CTNNA1: variants seen among roughly 807,000 people sequenced by gnomAD.
CTNNA1 encodes the protein catenin alpha-1.
CTNNA1 carries 37 observed loss-of-function variants against 98.4 expected under a neutral mutation model. The observed-to-expected ratio is 0.38, with a 90% CI of 0.29 to 0.49. The LOEUF is 0.49. CTNNA1 is among the 20% of genes least tolerant of loss of function. The pLI, the probability that CTNNA1 is intolerant of heterozygous loss-of-function variation, is 0.95. For synonymous variants in CTNNA1, 404 were observed against 413.2 expected (o/e 0.98, Z 0.27); for missense variants, 761 against 1,147.2 (o/e 0.66, Z 4.86).
intron 14 of CTNNA1, 61 bp from the exon 15 acceptor site, chr5:138,930,412 A>C (rs1023809232): frequency 3.2e-6 from 4 of 1,234,422 alleles, no homozygotes; most frequent in Non-Finnish European, 4.6e-6. Flanking sequence ...ATTCTTGGCT[A>C]ATGCACTCTG....
At chr5:138,773,905 A>G (rs1374813626) in intron 1 of CTNNA1, among the ~76,000 whole-genome samples, 1 of 151,876 alleles carries the variant, frequency 6.6e-6, no homozygotes, top group African/African-American at 2.4e-5. Context: ...TGTTTCTGAG[A>G]CAAAGTCTCA....
intron 7 of CTNNA1, among the ~76,000 whole-genome samples, chr5:138,848,960 G>A (rs1762963017): frequency 6.6e-6 from 1 of 152,158 alleles, no homozygotes; most frequent in Admixed American, 6.5e-5. Flanking sequence ...CTGACCTCAT[G>A]ATATGCCTGC....
At chr5:138,770,082 G>A (rs1292634925) in intron 1 of CTNNA1, among the ~76,000 whole-genome samples, 2 of 152,142 alleles carry the variant, frequency 1.3e-5, no homozygotes, top group South Asian at 2.1e-4. Flanking sequence ...TGATCCGCCT[G>A]CCTTGGCTTC....
chr5:138,934,853 T>C lies in CTNNA1; in HGVS notation c.*764T>C, dbSNP rs17031. The C allele has an allele frequency of 3.3e-5, 5 of 152,476 alleles. No individual in the cohort carries two copies. The highest frequency in any genetic ancestry group is 9.7e-5 in the African/African-American group (4 of 41,390). The allele number at this position is 152,476 out of a possible 1,614,324, so 9.4% of individuals were successfully genotyped here. ...GCAGCAGAAAAACCTGACAACATAG[T>C]GTTTGCTAAGGCAGTAATTTAGACT... On this transcript the variant is annotated 3_prime_UTR_variant, in exon 18 of 18. Coordinates refer to ENST00000302763, the MANE Select transcript of CTNNA1 (RefSeq NM_001903.5).
intron 7 of CTNNA1, among the ~76,000 whole-genome samples, chr5:138,856,379 G>T (rs1036971823): frequency 6.6e-6 from 1 of 152,084 alleles, no homozygotes; most frequent in Admixed American, 6.5e-5. Context: ...GTCTCACTCT[G>T]TTACCTAGGC....
At chr5:138,819,177 G>A (rs1759756738) in intron 5 of CTNNA1, among the ~76,000 whole-genome samples, 1 of 152,126 alleles carries the variant, frequency 6.6e-6, no homozygotes. Flanking sequence ...GGAGCCTAGA[G>A]GATGAGGCAC....
rs4835649 is a variant in CTNNA1, at chr5:138,810,534, T to C, written c.468+330T>C. The stretch of plus-strand genomic sequence containing the variant: ...CCAAGATACATTAAATTTTGTACTT[T>C]TATTTATTTATTTATTTTTTCCATT... On this transcript the variant is annotated intron_variant, in intron 4 of 17. Transcript: ENST00000302763. Among the ~76,000 whole-genome samples the C allele has an allele frequency of 0.69, 105,331 of 151,978 alleles. 36,640 individuals are homozygous for C. The highest frequency in any genetic ancestry group is 0.93 in the East Asian group (4,822 of 5,170).
At chr5:138,766,446 G>GTTTT (rs1299954362) in intron 1 of CTNNA1, among the ~76,000 whole-genome samples, 1 of 89,312 alleles carries the variant, frequency 1.1e-5, no homozygotes. Context: ...GCAATACCAT[G>GTTTT]TTTTGTTTTT....
intron 7 of CTNNA1, chr5:138,872,952 GCCT>G: frequency 8.0e-7 from 1 of 1,253,900 alleles, no homozygotes; most frequent in Non-Finnish European, 1.1e-6. Context: ...TATGTATTTA[GCCT>G]CTACTATGTA....
intron 3 of CTNNA1, among the ~76,000 whole-genome samples, chr5:138,800,423 T>C (rs1024153758): frequency 1.3e-5 from 2 of 152,010 alleles, no homozygotes; most frequent in Non-Finnish European, 2.9e-5. Flanking sequence ...TTAAGAGAGA[T>C]GTGGCTTTAA....
At chr5:138,900,088 G>C (rs1256804350) in intron 9 of CTNNA1, among the ~76,000 whole-genome samples, 1 of 152,166 alleles carries the variant, frequency 6.6e-6, no homozygotes, top group Non-Finnish European at 1.5e-5. Flanking sequence ...AAAACTTATT[G>C]AGTGCCTCTG....
intron 3 of CTNNA1, among the ~76,000 whole-genome samples, chr5:138,796,278 TG>T (rs1756959455): frequency 6.6e-6 from 1 of 152,196 alleles, no homozygotes; most frequent in African/African-American, 2.4e-5. Flanking sequence ...ATGTATCGGC[TG>T]GGTGCGGTGG....
At chr5:138,877,279 A>G (rs745952558) in intron 7 of CTNNA1, among the ~76,000 whole-genome samples, 18 of 151,990 alleles carry the variant, frequency 1.2e-4, no homozygotes, top group Non-Finnish European at 2.5e-4. Context: ...GGTTCCATAA[A>G]CTGTCTTGTG....
intron 10 of CTNNA1, 24 bp from the exon 11 acceptor site, chr5:138,917,718 A>AG: frequency 6.2e-7 from 1 of 1,611,134 alleles, no homozygotes. Flanking sequence ...AAGAGTAAAC[A>AG]GTGAAGTTTA....
intron 5 of CTNNA1, among the ~76,000 whole-genome samples, chr5:138,820,313 A>G (rs1184168498): frequency 6.6e-6 from 1 of 151,816 alleles, no homozygotes; most frequent in African/African-American, 2.4e-5. Flanking sequence ...GGAGCAAGAC[A>G]CACTCCAGCC....
At chr5:138,799,440 G>C (rs555933500) in intron 3 of CTNNA1, among the ~76,000 whole-genome samples, 1 of 152,210 alleles carries the variant, frequency 6.6e-6, no homozygotes, top group East Asian at 1.9e-4. Flanking sequence ...GATTACAGGC[G>C]TGACCACCAT....
In CTNNA1 at chr5:138,932,574, T is replaced by C. The variant is rs200688805; in HGVS notation, c.2299-4T>C. Reference sequence around the variant, plus strand: ...ACTTGGTGTTAAGCCTGCTCTCTCTTCAGTGCCCCGACTCGGCTTGCAAGC... The same window carrying C: ...ACTTGGTGTTAAGCCTGCTCTCTCTCCAGTGCCCCGACTCGGCTTGCAAGC... On this transcript the variant is annotated splice_polypyrimidine_tract_variant and splice_region_variant and intron_variant, in intron 16 of 17. Transcript: ENST00000302763. 1.9e-6 allele frequency: 3 copies of C among 1,613,928 alleles called. No homozygotes were observed.
intron 6 of CTNNA1, among the ~76,000 whole-genome samples, chr5:138,826,805 A>C (rs575600823): frequency 5.3e-5 from 8 of 152,308 alleles, no homozygotes; most frequent in Non-Finnish European, 2.9e-5. Flanking sequence ...GCACACGTGT[A>C]TATATTTTAA....
chr5:138,821,846 C>T (rs1363575216), intron 5 of CTNNA1, among the ~76,000 whole-genome samples: 1 of 152,144 alleles, frequency 6.6e-6, no homozygotes, highest in East Asian at 1.9e-4. Flanking sequence ...CTTAATAGGT[C>T]ACTTTCCTCA....
Sources: gnomAD v4.1 joint callset for allele counts (sites outside exome capture counted in the v4.1 genomes callset) on GRCh38, gnomAD v4.1.1 for gene constraint, MANE v1.5 for transcripts, NCBI Gene and HGNC (gene_info 2026-07-23, HGNC 2026-07-21) for gene names.